ADARB2: variants seen among roughly 807,000 people sequenced by gnomAD.
ADARB2 encodes inactive double-stranded RNA-specific editase B2.
Under a neutral mutation model 62.2 loss-of-function variants are expected in ADARB2, and 25 were observed. The ratio of observed to expected loss-of-function variants is 0.40; its 90% confidence interval spans 0.29 to 0.56. The LOEUF (loss-of-function observed/expected upper bound fraction) is 0.56, where lower values mean the gene tolerates loss of function less well. ADARB2 is among the 20% of genes least tolerant of loss of function. ADARB2 has a pLI of 0.43. For synonymous variants in ADARB2, 572 were observed against 500.8 expected (o/e 1.14, Z -1.90); for missense variants, 1,071 against 1,077.4 (o/e 0.99, Z 0.08).
intron 3 of ADARB2, among the ~76,000 whole-genome samples, chr10:1,314,120 A>T (rs1831716316): frequency 6.6e-6 from 1 of 152,034 alleles, no homozygotes; most frequent in Non-Finnish European, 1.5e-5. Context: ...CTCACTTAGG[A>T]ATCTCACATT....
At chr10:1,185,599 A>G (rs953366238) in intron 8 of ADARB2, among the ~76,000 whole-genome samples, 5 of 152,234 alleles carry the variant, frequency 3.3e-5, no homozygotes, top group Admixed American at 1.3e-4. Context: ...AGTGTTTGAG[A>G]CTCAGTGCAC....
chr10:1,464,928 C>T (rs77066688), intron 1 of ADARB2, among the ~76,000 whole-genome samples: 1,597 of 152,346 alleles, frequency 0.01, 22 homozygotes, highest in South Asian at 0.015. Flanking sequence ...GCTCACACCC[C>T]CTCCAAGACC....
chr10:1,186,420 C>T (rs976681492), intron 8 of ADARB2: 45 of 503,024 alleles, frequency 8.9e-5, no homozygotes, highest in South Asian at 3.4e-4. Flanking sequence ...GGTGTTGAGA[C>T]GCTTGGTTTA....
At chr10:1,376,014 GA>G (rs1244341164) in intron 2 of ADARB2, among the ~76,000 whole-genome samples, 1 of 150,670 alleles carries the variant, frequency 6.6e-6, no homozygotes, top group African/African-American at 2.5e-5. Flanking sequence ...ATATACACGT[GA>G]ACTCACACAC....
At chr10:1,561,529 C>T (rs185770026) in intron 1 of ADARB2, among the ~76,000 whole-genome samples, 22 of 152,296 alleles carry the variant, frequency 1.4e-4, no homozygotes, top group African/African-American at 5.3e-4. Context: ...CCAAATTAGA[C>T]CCCTTCTCTG....
chr10:1,486,064 A>G (rs995762541), intron 1 of ADARB2, among the ~76,000 whole-genome samples: 1 of 152,192 alleles, frequency 6.6e-6, no homozygotes, highest in Non-Finnish European at 1.5e-5. Flanking sequence ...AAGGGAGAAG[A>G]TGCACAGTTC....
chr10:1,498,093 C>G (rs2131936395), intron 1 of ADARB2, among the ~76,000 whole-genome samples: 1 of 152,254 alleles, frequency 6.6e-6, no homozygotes, highest in East Asian at 1.9e-4. Flanking sequence ...ACTGTTTGGG[C>G]TGGGCATGGT....
chr10:1,619,304 A>G (rs201088053), intron 1 of ADARB2, among the ~76,000 whole-genome samples: 6 of 92,350 alleles, frequency 6.5e-5, no homozygotes, highest in Non-Finnish European at 1.2e-4. Flanking sequence ...AAAAAAAAAA[A>G]AAAAGAAAAA....
At chr10:1,575,633 C>T (rs1204968714) in intron 1 of ADARB2, among the ~76,000 whole-genome samples, 1 of 152,230 alleles carries the variant, frequency 6.6e-6, no homozygotes, top group Non-Finnish European at 1.5e-5. Flanking sequence ...TCCCTCAGTC[C>T]TCAGCCTCCT....
chr10:1,539,505 G>C (rs564246543), intron 1 of ADARB2, among the ~76,000 whole-genome samples: 1 of 152,318 alleles, frequency 6.6e-6, no homozygotes, highest in Non-Finnish European at 1.5e-5. Flanking sequence ...GGCTACCTAT[G>C]GTGGTCTCAT....
chr10:1,694,384 G>A (rs61831981), intron 1 of ADARB2, among the ~76,000 whole-genome samples: 12,707 of 152,210 alleles, frequency 0.083, 624 homozygotes, highest in African/African-American at 0.13. Flanking sequence ...CTCTTCTGAG[G>A]GTCACTGGTG....
At chr10:1,718,011 C>A (rs2119160975) in intron 1 of ADARB2, among the ~76,000 whole-genome samples, 1 of 152,100 alleles carries the variant, frequency 6.6e-6, no homozygotes, top group South Asian at 2.1e-4. Flanking sequence ...GCAGGCACAT[C>A]AAACTCACAA....
At chr10:1,438,734 T>C (rs894522266) in intron 1 of ADARB2, among the ~76,000 whole-genome samples, 5 of 147,760 alleles carry the variant, frequency 3.4e-5, no homozygotes, top group Non-Finnish European at 7.4e-5. Flanking sequence ...CCTCAGCAGA[T>C]GGAGGCAGGT....
intron 1 of ADARB2, among the ~76,000 whole-genome samples, chr10:1,661,927 A>G (rs1834253943): frequency 6.6e-6 from 1 of 152,162 alleles, no homozygotes; most frequent in South Asian, 2.1e-4. Context: ...GGAGCTATAA[A>G]TCAGGCTGAA....
intron 1 of ADARB2, among the ~76,000 whole-genome samples, chr10:1,490,522 A>T (rs115877161): frequency 0.02 from 3,104 of 152,188 alleles, 74 homozygotes; most frequent in South Asian, 0.056. Context: ...TGAGACAATC[A>T]GGGCTTACTG....
Position 1,199,805 on chromosome 10 carries a change from T to G in ADARB2, c.1864+161A>C. 4 of 755,180 alleles carry G rather than the reference T, an allele frequency of 5.3e-6. No homozygotes were observed. The South Asian group carries it at 9.1e-5, about 17-fold the overall frequency. 46.8% of individuals were successfully genotyped at this position (755,180 alleles called of 1,614,324 possible). ...TATATGCAGAGAGATGCTGAAACCT[T>G]TCATTTTTTCTTTTTAAAATCGTAG... On this transcript the variant is annotated intron_variant, in intron 8 of 9. Coordinates refer to ENST00000381312, the MANE Select transcript of ADARB2 (RefSeq NM_018702.4).
chr10:1,667,764 C>T (rs1834332351), intron 1 of ADARB2, among the ~76,000 whole-genome samples: 2 of 152,182 alleles, frequency 1.3e-5, no homozygotes, highest in African/African-American at 4.8e-5. Flanking sequence ...TTGGGTTACT[C>T]ATAGTGATTT....
chr10:1,662,903 T>C (rs1299553489), intron 1 of ADARB2, among the ~76,000 whole-genome samples: 5 of 152,112 alleles, frequency 3.3e-5, no homozygotes, highest in Non-Finnish European at 7.4e-5. Context: ...GACCAGACAT[T>C]TGTACACATG....
At chr10:1,310,922 G>A (rs571026610) in intron 3 of ADARB2, among the ~76,000 whole-genome samples, 3 of 152,238 alleles carry the variant, frequency 2.0e-5, no homozygotes, top group East Asian at 1.9e-4. Context: ...TGCAAATTAC[G>A]TATATTTCAA....
Sources: gnomAD v4.1 joint callset for allele counts (sites outside exome capture counted in the v4.1 genomes callset) on GRCh38, gnomAD v4.1.1 for gene constraint, MANE v1.5 for transcripts, NCBI Gene and HGNC (gene_info 2026-07-23, HGNC 2026-07-21) for gene names.